CFAP54: variants seen among roughly 807,000 people sequenced by gnomAD.
CFAP54 encodes the protein cilia and flagella associated protein 54, also known as cilia- and flagella-associated protein 54.
Under a neutral mutation model 370.4 loss-of-function variants are expected in CFAP54, and 290 were observed. The observed-to-expected ratio is 0.78, with a 90% CI of 0.71 to 0.86. The LOEUF is 0.86. Ranked by LOEUF, CFAP54 falls within the 40% of genes least tolerant of loss-of-function variation. CFAP54 has a pLI of 0.00. For missense variants in CFAP54, 3,399 were observed against 3,528.7 expected, an observed-to-expected ratio of 0.96 and a Z score of 0.93; for synonymous variants, 1,206 against 1,236.5, an observed-to-expected ratio of 0.98 and a Z score of 0.52.
chr12:96,563,462 A>G (rs1955835858), intron 17 of CFAP54, among the ~76,000 whole-genome samples: 1 of 152,200 alleles, frequency 6.6e-6, no homozygotes, highest in Non-Finnish European at 1.5e-5. Context: ...TTTGGCATTC[A>G]GAATTTTTTT....
At chr12:96,522,432 A>G (rs1955330915) in intron 8 of CFAP54, among the ~76,000 whole-genome samples, 1 of 152,240 alleles carries the variant, frequency 6.6e-6, no homozygotes, top group Admixed American at 6.5e-5. Context: ...GAGGCTGAAG[A>G]GGAGCCTGTG....
At chr12:96,636,085 C>A (rs902752681) in intron 32 of CFAP54, among the ~76,000 whole-genome samples, 1 of 152,168 alleles carries the variant, frequency 6.6e-6, no homozygotes, top group Non-Finnish European at 1.5e-5. Context: ...TATCTAGAGG[C>A]TCTACCCTGA....
intron 6 of CFAP54, 92 bp downstream of exon 6, chr12:96,519,163 A>C: frequency 5.5e-6 from 7 of 1,266,032 alleles, no homozygotes; most frequent in African/African-American, 1.5e-5. Context: ...CAGTGATGTG[A>C]TCTCGGCTCA....
intron 55 of CFAP54, among the ~76,000 whole-genome samples, chr12:96,748,477 C>T (rs751333243): frequency 2.0e-5 from 3 of 152,044 alleles, no homozygotes; most frequent in Non-Finnish European, 4.4e-5. Flanking sequence ...CTTTCAGTCT[C>T]TGTTCTGCTT....
intron 30 of CFAP54, 21 bp from the exon 31 acceptor site, chr12:96,630,072 T>A: frequency 7.7e-7 from 1 of 1,302,620 alleles, no homozygotes; most frequent in Non-Finnish European, 1.0e-6. Context: ...TCTTTTTGAC[T>A]GACTTTATCT....
At chr12:96,508,713 C>CT (rs11314162) in intron 4 of CFAP54, among the ~76,000 whole-genome samples, 229 of 143,246 alleles carry the variant, frequency 1.6e-3, no homozygotes, top group Middle Eastern at 3.6e-3. Flanking sequence ...ATTCTGTTTC[C>CT]TTTTTTTTTT....
chr12:96,851,360 T>C (rs1959541169), intron 66 of CFAP54, among the ~76,000 whole-genome samples: 1 of 152,158 alleles, frequency 6.6e-6, no homozygotes, highest in Admixed American at 6.5e-5. Flanking sequence ...GTTTCCTAAT[T>C]CTAATTCTAT....
Position 96,651,815 on chromosome 12 carries a change from G to C in CFAP54, c.5100G>C (p.Lys1700Asn), listed in dbSNP as rs574271181. The change falls in exon 36 of 68, where the codon AAG (lysine) becomes AAC (asparagine). Residue 1700 changes from lysine (K) to asparagine (N), a missense_variant and splice_region_variant. Transcript: ENST00000524981. ...AACTACAAAATACCAGTTCTATTAA[G>C]GTAAAGACACTTTGGTAATTATTTT... Reference protein sequence around the residue: ...LIQLQNTSSIKPIEDKGEFSV... With the variant: ...LIQLQNTSSINPIEDKGEFSV... 6.5e-7 allele frequency: 1 copy of C among 1,535,434 alleles called. No individual in the cohort carries two copies. The highest frequency in any genetic ancestry group is 1.1e-5 in the South Asian group (1 of 88,620).
At chr12:96,610,575 GA>G in intron 26 of CFAP54, among the ~76,000 whole-genome samples, 1 of 152,298 alleles carries the variant, frequency 6.6e-6, no homozygotes. Flanking sequence ...AGCGTGAGCC[GA>G]AGCAGGGTGA....
chr12:96,683,017 C>T (rs983535328), intron 40 of CFAP54, among the ~76,000 whole-genome samples: 2 of 152,152 alleles, frequency 1.3e-5, no homozygotes, highest in African/African-American at 4.8e-5. Flanking sequence ...ATATTCTTAA[C>T]CCATACGATA....
At position 96,576,614 on chromosome 12, in the gene CFAP54, A is replaced by G; in HGVS notation, c.2649A>G (p.Glu883=). Residue 883 remains glutamate, a synonymous_variant, in exon 20 of 68, where the codon GAA becomes GAG. Coordinates refer to ENST00000524981, the MANE Select transcript of CFAP54 (RefSeq NM_001306084.2). ...MEAYSLIQRI[E]AEQNALYSYQ... ...CATATTCCTTAATTCAGAGGATTGA[A>G]GCTGAACAAAATGCCCTATATTCCT... 1 of 1,534,136 alleles carries G rather than the reference A, an allele frequency of 6.5e-7. No individual in the cohort carries two copies. The highest frequency in any genetic ancestry group is 1.2e-5 in the South Asian group (1 of 83,942).
chr12:96,594,230 T>C (rs1956152936), intron 24 of CFAP54, 61 bp from the exon 25 acceptor site: 5 of 1,200,166 alleles, frequency 4.2e-6, no homozygotes, highest in South Asian at 1.9e-5. Flanking sequence ...CCATTCTCCG[T>C]AGAGACACAT....
chr12:96,677,256 C>T (rs1957222079), intron 39 of CFAP54, among the ~76,000 whole-genome samples: 1 of 152,044 alleles, frequency 6.6e-6, no homozygotes, highest in Admixed American at 6.6e-5. Flanking sequence ...AGGGATCCTC[C>T]CTGCCTCATC....
intron 49 of CFAP54, among the ~76,000 whole-genome samples, chr12:96,720,073 A>C (rs987259748): frequency 2.0e-5 from 3 of 152,216 alleles, no homozygotes; most frequent in African/African-American, 7.2e-5. Flanking sequence ...ACTTTTCTCC[A>C]TGTCTCCCCT....
At chr12:96,714,954 A>G (rs375982279) in intron 48 of CFAP54, among the ~76,000 whole-genome samples, 1 of 152,184 alleles carries the variant, frequency 6.6e-6, no homozygotes, top group African/African-American at 2.4e-5. Context: ...TTGGCCCTAC[A>G]TGGCAACATA....
In CFAP54 at chr12:96,744,234, A is replaced by G. The variant is rs958858780; in HGVS notation, c.7684+88A>G. ...GGCAGGCTATCATATGAGTGCATTTAAAAGAGGCAATATTTATGAATACTC... is the reference window on the plus strand; with the variant it reads ...GGCAGGCTATCATATGAGTGCATTTGAAAGAGGCAATATTTATGAATACTC... On this transcript the variant is annotated intron_variant, in intron 55 of 67. Coordinates refer to ENST00000524981, the MANE Select transcript of CFAP54 (RefSeq NM_001306084.2). 6.9e-6 allele frequency: 8 copies of G among 1,151,846 alleles called. No individual in the cohort carries two copies. In the African/African-American group the frequency reaches 1.3e-4, roughly 18 times the overall value. The allele number at this position is 1,151,846 out of a possible 1,614,324, so 71.4% of individuals were successfully genotyped here. A position where few individuals can be genotyped will look rare whatever the true frequency, so the allele number is the denominator to read the frequency against.
intron 45 of CFAP54, among the ~76,000 whole-genome samples, chr12:96,695,684 T>C (rs1957433846): frequency 6.6e-6 from 1 of 152,238 alleles, no homozygotes; most frequent in African/African-American, 2.4e-5. Flanking sequence ...ATTCACATAG[T>C]TGAAATTCAG....
Position 96,852,542 on chromosome 12 carries a change from T to A in CFAP54, c.9172-8277T>A, listed in dbSNP as rs147781585. On this transcript the variant is annotated intron_variant, in intron 66 of 67. Coordinates refer to ENST00000524981, the MANE Select transcript of CFAP54 (RefSeq NM_001306084.2). ...TCCAAATTGATTGTGGCAATAAATG[T>A]GGAAGATAAAACAATAAAGCTAGAG... Among the ~76,000 whole-genome samples the A allele has an allele frequency of 4.5e-3, 691 of 152,230 alleles. 4 individuals carry two copies. The highest frequency in any genetic ancestry group is 0.016 in the African/African-American group (659 of 41,592).
intron 33 of CFAP54, 90 bp from the exon 34 acceptor site, chr12:96,647,785 A>T: frequency 2.4e-6 from 3 of 1,235,242 alleles, no homozygotes; most frequent in Non-Finnish European, 3.3e-6. Flanking sequence ...GTACTCACAA[A>T]TGTTTTAAAA....
Sources: gnomAD v4.1 joint callset for allele counts (sites outside exome capture counted in the v4.1 genomes callset) on GRCh38, gnomAD v4.1.1 for gene constraint, MANE v1.5 for transcripts, NCBI Gene and HGNC (gene_info 2026-07-23, HGNC 2026-07-21) for gene names.